N4BP2: variants seen among roughly 807,000 people sequenced by gnomAD.
N4BP2 encodes NEDD4-binding protein 2.
In N4BP2, 91 loss-of-function variants were observed where a neutral mutation model predicts 152.8. The observed-to-expected ratio is 0.60, with a 90% confidence interval of 0.50 to 0.71. The LOEUF is 0.71. Among genes scored for constraint, N4BP2 ranks in the 30% least tolerant of loss-of-function variants. The pLI is 0.00. For synonymous variants in N4BP2, 646 were observed against 705.3 expected, an observed-to-expected ratio of 0.92 and a Z score of 1.33; for missense variants, 1,923 against 2,059.1, an observed-to-expected ratio of 0.93 and a Z score of 1.28.
intron 7 of N4BP2, among the ~76,000 whole-genome samples, chr4:40,115,434 T>C (rs1012676772): frequency 6.6e-5 from 10 of 152,290 alleles, no homozygotes; most frequent in South Asian, 2.1e-4. Flanking sequence ...AGGTCGAGGC[T>C]GTGATGAACT....
At chr4:40,182,247 A>G in the N4BP2 span, among the ~76,000 whole-genome samples, 1 of 152,226 alleles carries the variant, frequency 6.6e-6, no homozygotes, top group Non-Finnish European at 1.5e-5. Flanking sequence ...GCGCAGAGAC[A>G]GGAAAAGGTG....
At chr4:40,138,355 G>A (rs1719595068) in intron 14 of N4BP2, among the ~76,000 whole-genome samples, 1 of 152,100 alleles carries the variant, frequency 6.6e-6, no homozygotes, top group Admixed American at 6.6e-5. Context: ...CATGTGATTT[G>A]CAGATATTCT....
intron 12 of N4BP2, among the ~76,000 whole-genome samples, chr4:40,128,744 T>C (rs1269121642): frequency 1.3e-5 from 2 of 151,956 alleles, no homozygotes; most frequent in African/African-American, 4.8e-5. Flanking sequence ...GCCAGGCTGG[T>C]CTTGAACTCC....
intron 5 of N4BP2, 65 bp from the exon 6 acceptor site, chr4:40,112,019 T>A (rs1002075386): frequency 9.1e-5 from 76 of 835,542 alleles, no homozygotes; most frequent in Non-Finnish European, 1.3e-4. Flanking sequence ...AAGATCAGAT[T>A]TTTTGAAAAT....
At chr4:40,117,676 TAA>T (rs79891809) in intron 7 of N4BP2, among the ~76,000 whole-genome samples, 191 bp from the exon 8 acceptor site, 9,919 of 152,288 alleles carry the variant, frequency 0.065, 393 homozygotes, top group Non-Finnish European at 0.085. Flanking sequence ...TGTTTGAACT[TAA>T]GTGTATAATT....
chr4:40,072,910 C>T (rs1197699210), intron 1 of N4BP2, among the ~76,000 whole-genome samples: 4 of 151,220 alleles, frequency 2.6e-5, no homozygotes, highest in South Asian at 2.1e-4. Context: ...TTAGCAGAGA[C>T]GGGGTCTCAC....
At chr4:40,057,420 C>T (rs1262334378) in intron 1 of N4BP2, among the ~76,000 whole-genome samples, 2 of 152,224 alleles carry the variant, frequency 1.3e-5, no homozygotes, top group African/African-American at 4.8e-5. Context: ...CCCCTCCAGG[C>T]GCCTTAGGTG....
chr4:40,174,592 C>A, the N4BP2 span, among the ~76,000 whole-genome samples: 1 of 151,890 alleles, frequency 6.6e-6, no homozygotes, highest in East Asian at 1.9e-4. Flanking sequence ...CATTTGAGGT[C>A]AGGAGTTTGA....
chr4:40,162,472 A>T (rs145170564), downstream of N4BP2, among the ~76,000 whole-genome samples: 22 of 152,170 alleles, frequency 1.4e-4, 1 homozygote, highest in East Asian at 3.3e-3. Flanking sequence ...AAAGAAGAAG[A>T]AGTAGAGCTG....
chr4:40,115,841 A>G (rs1717291422), intron 7 of N4BP2, among the ~76,000 whole-genome samples: 2 of 152,202 alleles, frequency 1.3e-5, no homozygotes. Flanking sequence ...TAATATATCC[A>G]TTAAATCATG....
rs1465683916 is a variant in N4BP2 at position 40,122,128 on chromosome 4, G to C, written c.4017G>C (p.Lys1339Asn). 6.2e-7 allele frequency: 1 copy of C among 1,600,134 alleles called. No homozygotes were observed. Among genetic ancestry groups the C allele is most frequent in the Non-Finnish European group, 8.5e-7 (1 of 1,170,792 alleles). Residue 1339 changes from lysine (K) to asparagine (N), a missense_variant, in exon 9 of 18, where the codon AAG becomes AAC. Lys to Asn is a moderately conservative substitution (Grantham distance 94). Transcript: ENST00000261435. Reference sequence around the variant, plus strand: ...TGAATGAAGATGAGAAGGAAATGAAGGAAATTCTAATGGCAGGAAGTAGTT... The same window carrying C: ...TGAATGAAGATGAGAAGGAAATGAACGAAATTCTAATGGCAGGAAGTAGTT... ...EFMNEDEKEM[K>N]EILMAGSSLS... is the part of the protein sequence containing the mutation.
the N4BP2 span, among the ~76,000 whole-genome samples, chr4:40,169,289 C>T: frequency 0.52 from 78,798 of 150,540 alleles, 21,483 homozygotes; most frequent in Admixed American, 0.6. Flanking sequence ...GTCTGAGGCA[C>T]GAGAATTGCT....
chr4:40,098,041 C>T (rs1715262244), intron 3 of N4BP2, among the ~76,000 whole-genome samples: 1 of 152,188 alleles, frequency 6.6e-6, no homozygotes, highest in African/African-American at 2.4e-5. Flanking sequence ...TCGTTGAGAA[C>T]CACTCTCCTA....
Position 40,122,105 on chromosome 4 carries a change from AATGAAG to A in N4BP2, c.3999_4004del (p.Asp1334_Glu1335del). ...ATTTTCAGATGAAGAAGAATTTATG[AATGAAG>A]ATGAGAAGGAAATGAAGGAAATTCT... On this transcript the variant is annotated inframe_deletion, in exon 9 of 18. Transcript: ENST00000261435. 6.3e-7 allele frequency: 1 copy of A among 1,583,136 alleles called. No individual in the cohort carries two copies. The highest frequency in any genetic ancestry group is 8.6e-7 in the Non-Finnish European group (1 of 1,162,084).
chr4:40,174,767 A>C, the N4BP2 span, among the ~76,000 whole-genome samples: 1 of 152,102 alleles, frequency 6.6e-6, no homozygotes, highest in Non-Finnish European at 1.5e-5. Context: ...GCGCCACTGC[A>C]CTCCAGTCTG....
chr4:40,150,670 CAG>C (rs529008529), intron 16 of N4BP2, among the ~76,000 whole-genome samples: 1 of 65,174 alleles, frequency 1.5e-5, no homozygotes, highest in East Asian at 9.3e-4. Context: ...GACTCTGTCT[CAG>C]GGGGAAAAAA....
rs777432141 is a variant in N4BP2, at chr4:40,144,658, A to G, written c.5001A>G (p.Lys1667=). 1.1e-5 allele frequency: 17 copies of G among 1,612,938 alleles called. No individual in the cohort carries two copies. The highest frequency in any genetic ancestry group is 1.4e-5 in the Non-Finnish European group (17 of 1,179,676). Residue 1667 remains lysine (K), a synonymous_variant, in exon 16 of 18, where the codon AAA becomes AAG. Transcript: ENST00000261435. ...QQGTLHEQKM[K]EANHLAAIEI... is the part of the protein sequence containing the mutation. ...GTACTCTTCATGAGCAGAAGATGAA[A>G]GAAGCCAATCACCTTGCTGCCATAG...
the N4BP2 span, among the ~76,000 whole-genome samples, chr4:40,187,092 C>G: frequency 2.6e-5 from 4 of 152,312 alleles, no homozygotes; most frequent in South Asian, 4.1e-4. Context: ...ACTACCAAGA[C>G]AAGAAATTAA....
rs1251673195 is a variant in N4BP2, at chr4:40,100,713, G to A, written c.230-1362G>A. Among the ~76,000 whole-genome samples the A allele has an allele frequency of 3.3e-5, 5 of 152,218 alleles. No individual in the cohort carries two copies. In the East Asian group the frequency reaches 9.6e-4, roughly 29 times the overall value. On this transcript the variant is annotated intron_variant, in intron 3 of 17. Coordinates refer to ENST00000261435, the MANE Select transcript of N4BP2 (RefSeq NM_018177.6). ...CTCCCTATTTGTGTTATAACAGAAC[G>A]AGCTCAGCATTGGAGTCAGATATAC... is the stretch of plus-strand genomic sequence containing the variant.
Sources: allele counts gnomAD v4.1 joint callset (sites outside exome capture counted in the v4.1 genomes callset), GRCh38; gene constraint gnomAD v4.1.1; transcripts MANE v1.5; gene names NCBI Gene and HGNC (gene_info 2026-07-23, HGNC 2026-07-21).